Variants in KCTD8 observed in about 807,000 individuals in gnomAD.
KCTD8 encodes BTB/POZ domain-containing protein KCTD8.
KCTD8 carries 27 observed loss-of-function variants against 31.5 expected under a neutral mutation model. The ratio of observed to expected loss-of-function variants is 0.86; its 90% CI spans 0.63 to 1.18. KCTD8 has a LOEUF of 1.18. Among genes scored for constraint, KCTD8 ranks in the 50% most tolerant of loss-of-function variants. KCTD8 has a pLI of 0.00. For missense variants in KCTD8, 658 were observed against 647.7 expected (o/e 1.02, Z -0.17); for synonymous variants, 290 against 280.0 (o/e 1.04, Z -0.36).
At chr4:44,330,264 G>A (rs1220386529) in intron 1 of KCTD8, among the ~76,000 whole-genome samples, 1 of 151,812 alleles carries the variant, frequency 6.6e-6, no homozygotes, top group East Asian at 1.9e-4. Flanking sequence ...CGCACTTAAT[G>A]AAAATTATAC....
At chr4:44,348,928 T>A (rs1402042082) in intron 1 of KCTD8, among the ~76,000 whole-genome samples, 1 of 152,174 alleles carries the variant, frequency 6.6e-6, no homozygotes, top group African/African-American at 2.4e-5. Flanking sequence ...TTTTTCTGAT[T>A]TTTTTCCTCT....
At chr4:44,352,357 A>G (rs1719225349) in intron 1 of KCTD8, among the ~76,000 whole-genome samples, 1 of 152,070 alleles carries the variant, frequency 6.6e-6, no homozygotes, top group South Asian at 2.1e-4. Flanking sequence ...TTGATTGATA[A>G]GGATGGGAAA....
At chr4:44,408,993 A>G (rs1234655847) in intron 1 of KCTD8, among the ~76,000 whole-genome samples, 1 of 151,768 alleles carries the variant, frequency 6.6e-6, no homozygotes, top group Non-Finnish European at 1.5e-5. Context: ...CTGTAACCCT[A>G]GTACTTTGGG....
chr4:44,301,683 T>TTA (rs754338952), intron 1 of KCTD8, among the ~76,000 whole-genome samples: 1 of 152,228 alleles, frequency 6.6e-6, no homozygotes, highest in Non-Finnish European at 1.5e-5. Context: ...TTCACTCTAA[T>TTA]GGTAGTTTCT....
At position 44,261,416 on chromosome 4, in the gene KCTD8, G is replaced by A. The variant is rs184921904; in HGVS notation, c.962-86166C>T. 1.3e-4 allele frequency among the ~76,000 whole-genome samples: 20 copies of A among 151,902 alleles called. No individual in the cohort carries two copies. The East Asian group carries it at 3.7e-3, about 28-fold the overall frequency. ...TATATAACCTCATGGGGATAGATTT[G>A]GTCACCTAGGAAGTTAGTGTAAATA... On this transcript the variant is annotated intron_variant, in intron 1 of 1. Transcript: ENST00000360029.
chr4:44,448,504 C>G lies in KCTD8; in HGVS notation c.20G>C (p.Gly7Ala). Residue 7 changes from glycine to alanine, a missense_variant, in exon 1 of 2, where the codon GGC becomes GCC. Transcript: ENST00000360029. The surrounding 1 kb of genome is among the most constrained non-coding windows in gnomAD (Gnocchi z 4.1). Reference sequence around the variant, plus strand: ...GGGCAGGATGGTGCTGCCGCCGCTGCCCGTGTCCTTCAGAGCCATAGTCCC... The same window carrying G: ...GGGCAGGATGGTGCTGCCGCCGCTGGCCGTGTCCTTCAGAGCCATAGTCCC... MALKDT[G>A]SGGSTILPIS... 1 of 1,491,082 alleles carries G rather than the reference C, an allele frequency of 6.7e-7. No homozygotes were observed. The highest frequency in any genetic ancestry group is 1.4e-5 in the South Asian group (1 of 71,394). The allele number at this position is 1,491,082 out of a possible 1,614,324, so 92.4% of individuals were successfully genotyped here.
At chr4:44,338,372 A>G (rs1718809913) in intron 1 of KCTD8, among the ~76,000 whole-genome samples, 1 of 152,196 alleles carries the variant, frequency 6.6e-6, no homozygotes, top group Non-Finnish European at 1.5e-5. Context: ...TACCTAAGAG[A>G]AAGGTAAGTG....
intron 1 of KCTD8, among the ~76,000 whole-genome samples, chr4:44,308,989 G>C (rs1016138707): frequency 6.6e-6 from 1 of 152,002 alleles, no homozygotes; most frequent in East Asian, 1.9e-4. Context: ...ATATAGATTA[G>C]ACAAATAACA....
intron 1 of KCTD8, among the ~76,000 whole-genome samples, chr4:44,337,704 T>C (rs1718789901): frequency 6.7e-6 from 1 of 150,148 alleles, no homozygotes; most frequent in Admixed American, 6.7e-5. Context: ...TATATGTGTA[T>C]ATATATTTAG....
chr4:44,304,167 A>G (rs572869835), intron 1 of KCTD8, among the ~76,000 whole-genome samples: 1 of 152,230 alleles, frequency 6.6e-6, no homozygotes, highest in Non-Finnish European at 1.5e-5. Flanking sequence ...ATCATACTCC[A>G]TTTTCCCCAT....
At chr4:44,355,915 G>C (rs147854686) in intron 1 of KCTD8, among the ~76,000 whole-genome samples, 20 of 143,572 alleles carry the variant, frequency 1.4e-4, no homozygotes, top group African/African-American at 3.6e-4. Flanking sequence ...AATCATTAAA[G>C]TATATAAAGT....
At position 44,316,795 on chromosome 4, in the gene KCTD8, G is replaced by GAAAAAAAAAA. The variant is rs71188270; in HGVS notation, c.961+130758_961+130767dup. 1.5e-3 allele frequency among the ~76,000 whole-genome samples: 62 copies of GAAAAAAAAAA among 40,356 alleles called. 6 individuals carry two copies. Among genetic ancestry groups the GAAAAAAAAAA allele is most frequent in the Middle Eastern group, 0.026 (1 of 38 alleles). The allele number at this position is 40,356 out of a possible 152,430, so 26.5% of individuals were successfully genotyped here. On this transcript the variant is annotated intron_variant, in intron 1 of 1. Transcript: ENST00000360029. Reference sequence around the variant, plus strand: ...GAAACCCCATCTCTACTAAAAATACGAAAAAAAAAAAAAAAAAAAAAAAAA... The same window carrying GAAAAAAAAAA: ...GAAACCCCATCTCTACTAAAAATACGAAAAAAAAAAAAAAAAAAAAAAAAAAAAAAAAAAA...
intron 1 of KCTD8, among the ~76,000 whole-genome samples, chr4:44,232,772 C>G (rs1009475595): frequency 6.6e-6 from 1 of 151,950 alleles, no homozygotes; most frequent in African/African-American, 2.4e-5. Flanking sequence ...TGTTTTATTT[C>G]TAAGTTGAGA....
chr4:44,182,025 C>G (rs1020132346), intron 1 of KCTD8, among the ~76,000 whole-genome samples: 67 of 152,024 alleles, frequency 4.4e-4, no homozygotes, highest in African/African-American at 1.5e-3. Flanking sequence ...GGCAGCTGCC[C>G]TGTCTGAGAA....
intron 1 of KCTD8, among the ~76,000 whole-genome samples, chr4:44,305,662 A>G (rs1227872924): frequency 1.3e-5 from 2 of 151,908 alleles, no homozygotes; most frequent in Non-Finnish European, 2.9e-5. Context: ...AAACAATTCA[A>G]TGAGTCAGTA....
chr4:44,252,492 T>A (rs1444436955), intron 1 of KCTD8, among the ~76,000 whole-genome samples: 1 of 151,816 alleles, frequency 6.6e-6, no homozygotes, highest in Non-Finnish European at 1.5e-5. Flanking sequence ...TGTAGAAGTG[T>A]TCCCTTTTCA....
intron 1 of KCTD8, among the ~76,000 whole-genome samples, chr4:44,391,185 G>C (rs1164295983): frequency 6.6e-6 from 1 of 151,940 alleles, no homozygotes; most frequent in African/African-American, 2.4e-5. Flanking sequence ...GAAAGGGTGG[G>C]AGTGGGTGAG....
At position 44,175,093 on chromosome 4, in the gene KCTD8, T is replaced by C. The variant is rs2109326924; in HGVS notation, c.1119A>G (p.Pro373=). ...GAGCTGTTGCCTGCTGGGCACTGGA[T>C]GGGTTGTCCTGGGGAGTGCTTGCCT... ...HSEASTPQDN[P]SSAQQATAHQ... The change falls in exon 2 of 2, where the codon CCA becomes CCG. Residue 373 remains proline, a synonymous_variant. Transcript: ENST00000360029. 1 of 1,614,048 alleles carries C rather than the reference T, an allele frequency of 6.2e-7. No homozygotes were observed. The highest frequency in any genetic ancestry group is 8.5e-7 in the Non-Finnish European group (1 of 1,179,964).
intron 1 of KCTD8, among the ~76,000 whole-genome samples, chr4:44,234,102 TATTTA>T (rs67392515): frequency 0.25 from 37,222 of 151,864 alleles, 4,649 homozygotes; most frequent in South Asian, 0.32. Context: ...GTGTAATACT[TATTTA>T]ATTTTCAAAA....
Sources: gnomAD v4.1 joint callset for allele counts (sites outside exome capture counted in the v4.1 genomes callset) on GRCh38, gnomAD v4.1.1 for gene constraint, Gnocchi (gnomAD v3.1) non-coding constraint, MANE v1.5 for transcripts, NCBI Gene and HGNC (gene_info 2026-07-23, HGNC 2026-07-21) for gene names.